The following GALNT13 variants were observed in gnomAD, a reference collection of about 807,000 sequenced individuals.
The protein encoded by GALNT13 is polypeptide N-acetylgalactosaminyltransferase 13, also known as UDP-GalNAc:polypeptide N-acetylgalactosaminyltransferase 13.
GALNT13 carries 28 observed loss-of-function variants against 64.2 expected under a neutral mutation model. The ratio of observed to expected loss-of-function variants is 0.44; its 90% CI spans 0.32 to 0.60. GALNT13 has a LOEUF of 0.60. Among genes scored for constraint, GALNT13 ranks in the 20% least tolerant of loss-of-function variants. The pLI, the probability that GALNT13 is intolerant of heterozygous loss-of-function variation, is 0.05. For synonymous variants in GALNT13, 214 were observed against 224.6 expected (o/e 0.95, Z 0.42); for missense variants, 577 against 669.8 (o/e 0.86, Z 1.53).
the GALNT13 span, among the ~76,000 whole-genome samples, chr2:153,566,264 A>G: frequency 5.9e-5 from 9 of 151,896 alleles, no homozygotes; most frequent in South Asian, 1.9e-3. Context: ...ATTGAGACCA[A>G]CAAATATTTA....
chr2:153,313,807 T>A, the GALNT13 span, among the ~76,000 whole-genome samples: 11 of 152,264 alleles, frequency 7.2e-5, no homozygotes, highest in Admixed American at 7.2e-4. Context: ...GTAACACTTA[T>A]GTAAAAATTA....
At chr2:153,603,900 A>C in the GALNT13 span, among the ~76,000 whole-genome samples, 1 of 151,990 alleles carries the variant, frequency 6.6e-6, no homozygotes, top group East Asian at 1.9e-4. Flanking sequence ...AAAATTCAAA[A>C]GAAGTTCTTA....
chr2:154,037,003 C>T (rs1002755701), intron 3 of GALNT13, among the ~76,000 whole-genome samples: 1 of 152,066 alleles, frequency 6.6e-6, no homozygotes, highest in Non-Finnish European at 1.5e-5. Context: ...ACAATGATTA[C>T]TGTGTATTCT....
At chr2:154,245,389 G>T (rs10490532) in intron 6 of GALNT13, among the ~76,000 whole-genome samples, 1 of 151,850 alleles carries the variant, frequency 6.6e-6, no homozygotes, top group African/African-American at 2.4e-5. Context: ...CTAAACTAAC[G>T]TACCCTACTT....
the GALNT13 span, among the ~76,000 whole-genome samples, chr2:153,823,409 C>T: frequency 2.6e-5 from 4 of 152,152 alleles, no homozygotes. Context: ...CAGCATGGTA[C>T]TGGTACAAAA....
chr2:154,409,175 A>C, intron 11 of GALNT13, 93 bp downstream of exon 11: 1 of 800,896 alleles, frequency 1.2e-6, no homozygotes, highest in South Asian at 1.4e-5. Flanking sequence ...TAATAACTAT[A>C]AACTGAGCTT....
chr2:153,699,791 G>C, the GALNT13 span, among the ~76,000 whole-genome samples: 2 of 152,084 alleles, frequency 1.3e-5, no homozygotes, highest in South Asian at 2.1e-4. Flanking sequence ...ACTAAACCAG[G>C]AAGAAGTTGA....
chr2:154,430,140 T>G (rs1259390135), intron 11 of GALNT13, among the ~76,000 whole-genome samples: 7 of 152,210 alleles, frequency 4.6e-5, no homozygotes, highest in Admixed American at 3.9e-4. Context: ...CAAGTTCAAT[T>G]TTCAAGTCTT....
At chr2:153,882,558 G>A (rs1231417408) in intron 1 of GALNT13, among the ~76,000 whole-genome samples, 2 of 151,788 alleles carry the variant, frequency 1.3e-5, no homozygotes, top group East Asian at 1.9e-4. Flanking sequence ...TTGCCCTAAA[G>A]CAAAGTCTTT....
chr2:153,394,112 A>C, the GALNT13 span, among the ~76,000 whole-genome samples: 1 of 152,076 alleles, frequency 6.6e-6, no homozygotes, highest in Non-Finnish European at 1.5e-5. Flanking sequence ...TTCAAGAGCC[A>C]GTGTATGACT....
At chr2:153,760,554 CT>C in the GALNT13 span, among the ~76,000 whole-genome samples, 1 of 151,876 alleles carries the variant, frequency 6.6e-6, no homozygotes, top group African/African-American at 2.4e-5. Context: ...TCCAAGATTT[CT>C]TCTGTTTTTG....
the GALNT13 span, among the ~76,000 whole-genome samples, chr2:153,822,579 A>C: frequency 6.6e-6 from 1 of 152,312 alleles, no homozygotes; most frequent in South Asian, 2.1e-4. Context: ...AAAGGAACAT[A>C]CCTAAAATAA....
At chr2:153,803,621 G>A in the GALNT13 span, among the ~76,000 whole-genome samples, 1 of 151,310 alleles carries the variant, frequency 6.6e-6, no homozygotes, top group Admixed American at 6.6e-5. Context: ...GAACCCTGGA[G>A]GCGGAGCTTG....
At chr2:153,352,742 T>G in the GALNT13 span, among the ~76,000 whole-genome samples, 1 of 152,268 alleles carries the variant, frequency 6.6e-6, no homozygotes, top group Middle Eastern at 3.4e-3. Context: ...GCCTTTACTC[T>G]GTCAAAGACC....
chr2:154,091,698 T>C (rs1244236409), intron 3 of GALNT13, among the ~76,000 whole-genome samples: 1 of 151,958 alleles, frequency 6.6e-6, no homozygotes, highest in Non-Finnish European at 1.5e-5. Context: ...ATTTAATTCA[T>C]TTATAAAAAT....
chr2:154,231,091 C>T (rs1460899869), intron 4 of GALNT13, among the ~76,000 whole-genome samples: 2 of 152,176 alleles, frequency 1.3e-5, no homozygotes, highest in African/African-American at 4.8e-5. Flanking sequence ...AGCTTCACAT[C>T]ATTTGACTTG....
chr2:154,409,963 C>T (rs964762192), intron 11 of GALNT13, among the ~76,000 whole-genome samples: 3 of 151,868 alleles, frequency 2.0e-5, no homozygotes, highest in African/African-American at 7.2e-5. Context: ...GCGCACCATA[C>T]TTCAAACAGG....
chr2:154,259,575 G>T (rs565191692), intron 8 of GALNT13, among the ~76,000 whole-genome samples: 1 of 152,248 alleles, frequency 6.6e-6, no homozygotes, highest in African/African-American at 2.4e-5. Flanking sequence ...AATTCTGCAA[G>T]TAGTGTGACC....
At chr2:153,835,049 G>A in the GALNT13 span, among the ~76,000 whole-genome samples, 1 of 152,036 alleles carries the variant, frequency 6.6e-6, no homozygotes, top group Non-Finnish European at 1.5e-5. Context: ...TTAAGTCTGT[G>A]AAAAAGAAGA....
Sources: gnomAD v4.1 joint callset for allele counts (sites outside exome capture counted in the v4.1 genomes callset) on GRCh38, gnomAD v4.1.1 for gene constraint, MANE v1.5 for transcripts, NCBI Gene and HGNC (gene_info 2026-07-23, HGNC 2026-07-21) for gene names.